The following IQSEC1 variants were observed in gnomAD, a reference collection of about 807,000 sequenced individuals.
IQSEC1 encodes IQ motif and SEC7 domain-containing protein 1.
In IQSEC1, 31 loss-of-function variants were observed where a neutral mutation model predicts 91.0. The ratio of observed to expected loss-of-function variants is 0.34; its 90% CI spans 0.26 to 0.46. IQSEC1 has a LOEUF of 0.46. IQSEC1 is among the 20% of genes least tolerant of loss of function. The pLI is 1.00. For missense variants in IQSEC1, 1,388 were observed against 1,575.6 expected (o/e 0.88, Z 2.02); for synonymous variants, 699 against 662.6 (o/e 1.05, Z -0.84).
chr3:13,258,561 C>G (rs950987836), intron 1 of IQSEC1, among the ~76,000 whole-genome samples: 3 of 151,922 alleles, frequency 2.0e-5, no homozygotes, highest in Admixed American at 2.0e-4. Flanking sequence ...TGGTATGTGC[C>G]TGTAGTCCCA....
At chr3:13,160,465 T>A (rs928452745) in intron 2 of IQSEC1, among the ~76,000 whole-genome samples, 5 of 152,200 alleles carry the variant, frequency 3.3e-5, no homozygotes, top group African/African-American at 1.2e-4. Flanking sequence ...CCTGCCCCTG[T>A]GTGTCCTTAA....
chr3:12,943,183 G>A (rs1285820197), intron 1 of IQSEC1, among the ~76,000 whole-genome samples: 1 of 152,194 alleles, frequency 6.6e-6, no homozygotes, highest in African/African-American at 2.4e-5. Context: ...CAGAGTTCAA[G>A]CCCAAGTGGT....
intron 1 of IQSEC1, among the ~76,000 whole-genome samples, chr3:12,945,776 T>G (rs941210513): frequency 6.6e-6 from 1 of 152,178 alleles, no homozygotes; most frequent in African/African-American, 2.4e-5. Context: ...TTTTCTGAGT[T>G]TATCTGAACT....
At chr3:13,173,843 C>A (rs761735649) in intron 1 of IQSEC1, among the ~76,000 whole-genome samples, 5 of 152,204 alleles carry the variant, frequency 3.3e-5, no homozygotes, top group African/African-American at 1.2e-4. Context: ...GTTAGAAATG[C>A]AAATTCTCTG....
At chr3:13,180,758 C>T (rs1417110982) in intron 1 of IQSEC1, among the ~76,000 whole-genome samples, 2 of 145,436 alleles carry the variant, frequency 1.4e-5, no homozygotes, top group Admixed American at 1.3e-4. Flanking sequence ...GACGTGCCGC[C>T]TTAAGAGCTG....
intron 2 of IQSEC1, among the ~76,000 whole-genome samples, chr3:13,079,066 T>C (rs1705606336): frequency 6.6e-6 from 1 of 152,230 alleles, no homozygotes; most frequent in African/African-American, 2.4e-5. Context: ...CACAAGGCCC[T>C]GGGTGTCCCA....
intron 1 of IQSEC1, among the ~76,000 whole-genome samples, chr3:13,010,348 A>G (rs1702826062): frequency 6.6e-6 from 1 of 152,204 alleles, no homozygotes; most frequent in Non-Finnish European, 1.5e-5. Context: ...GGGTGAATGC[A>G]GTACCGAGCT....
chr3:12,919,797 G>A (rs1235497118), intron 6 of IQSEC1, among the ~76,000 whole-genome samples: 1 of 152,186 alleles, frequency 6.6e-6, no homozygotes, highest in East Asian at 1.9e-4. Context: ...ACACTGGGCT[G>A]GCACAGAGCC....
intron 2 of IQSEC1, among the ~76,000 whole-genome samples, chr3:13,132,685 A>C (rs1706639454): frequency 6.6e-6 from 1 of 152,178 alleles, no homozygotes; most frequent in Non-Finnish European, 1.5e-5. Context: ...CCTACCTCTC[A>C]GGGATTCATT....
At chr3:13,149,696 C>T (rs1335996907) in intron 2 of IQSEC1, among the ~76,000 whole-genome samples, 2 of 151,958 alleles carry the variant, frequency 1.3e-5, no homozygotes, top group Non-Finnish European at 1.5e-5. Flanking sequence ...CTGACCCAGG[C>T]CCTGGCAGCT....
intron 1 of IQSEC1, among the ~76,000 whole-genome samples, chr3:13,194,110 G>A (rs980596825): frequency 1.3e-5 from 2 of 152,130 alleles, no homozygotes; most frequent in East Asian, 1.9e-4. Flanking sequence ...TTGGATTAGG[G>A]CCACCACCAC....
At chr3:13,252,730 T>TTTTTTTTG (rs60219953) in intron 1 of IQSEC1, among the ~76,000 whole-genome samples, 11,271 of 150,908 alleles carry the variant, frequency 0.075, 832 homozygotes, top group African/African-American at 0.2. Context: ...TTTTTTTTGT[T>TTTTTTTTG]TTTGTTTGTT....
chr3:12,931,748 C>A (rs1263173481), intron 3 of IQSEC1, among the ~76,000 whole-genome samples: 1 of 152,192 alleles, frequency 6.6e-6, no homozygotes. Context: ...GTAGCTCCAG[C>A]AGGTGGATGG....
rs767411852 is a variant in IQSEC1 at position 12,967,468 on chromosome 3, G to GCGGGC, written c.24-25608_24-25604dup. The GCGGGC allele has an allele frequency of 3.3e-5, 50 of 1,509,322 alleles. 1 individual carries two copies. The highest frequency in any genetic ancestry group is 1.6e-4 in the South Asian group (13 of 80,890). 93.5% of individuals were successfully genotyped at this position (1,509,322 alleles called of 1,614,324 possible). Reference sequence around the variant, plus strand: ...GCACCACATGGCGGCCGCAGTGGGAGCGGGCCGGGCCGGGAGCCGGGACCC... The same window carrying GCGGGC: ...GCACCACATGGCGGCCGCAGTGGGAGCGGGCCGGGCCGGGCCGGGAGCCGGGACCC... On this transcript the variant is annotated intron_variant, in intron 1 of 13. Transcript: ENST00000613206. This position sits in a 1 kb window ranked among gnomAD's most constrained non-coding sequence, Gnocchi z 5.9.
In IQSEC1 at chr3:12,898,959, CCAAT is replaced by C. The variant is rs1693928536; in HGVS notation, c.*2020_*2023del. On this transcript the variant is annotated 3_prime_UTR_variant, in exon 14 of 14. Coordinates refer to ENST00000613206, the MANE Select transcript of IQSEC1 (RefSeq NM_001134382.3). ...GCTTCCCTGACAGCCCAGCCTGGAC[CCAAT>C]CACACGGTCCCATGCTGTTTCTTTC... 1 of 169,706 alleles carries C rather than the reference CCAAT, an allele frequency of 5.9e-6. No individual in the cohort carries two copies. Among genetic ancestry groups the C allele is most frequent in the Admixed American group, 5.9e-5 (1 of 16,900 alleles). The allele number at this position is 169,706 out of a possible 1,614,324, so 10.5% of individuals were successfully genotyped here. A position where few individuals can be genotyped will look rare whatever the true frequency, so the allele number is the denominator to read the frequency against.
rs1474382809 is a variant in IQSEC1 at position 12,940,694 on chromosome 3, C to T, written c.318+877G>A. 6.6e-6 allele frequency among the ~76,000 whole-genome samples: 1 copy of T among 152,132 alleles called. No individual in the cohort carries two copies. The highest frequency in any genetic ancestry group is 6.5e-5 in the Admixed American group (1 of 15,282). Reference sequence around the variant, plus strand: ...CTTGCAGAACTGCTGCCTGGGAGCCCGGGTTCTCTTGAAGCCTCAAACTGC... The same window carrying T: ...CTTGCAGAACTGCTGCCTGGGAGCCTGGGTTCTCTTGAAGCCTCAAACTGC... On this transcript the variant is annotated intron_variant, in intron 2 of 13. Transcript: ENST00000613206. The surrounding 1 kb of genome is among the most constrained non-coding windows in gnomAD (Gnocchi z 4.4).
chr3:13,058,446 C>T (rs760688940), intron 1 of IQSEC1, among the ~76,000 whole-genome samples: 4 of 152,230 alleles, frequency 2.6e-5, no homozygotes, highest in Non-Finnish European at 4.4e-5. Context: ...TCCTTCCAAA[C>T]ATCCTTGGGG....
chr3:12,941,448 G>C (rs934777737), intron 2 of IQSEC1, 123 bp downstream of exon 2: 1 of 993,656 alleles, frequency 1.0e-6, no homozygotes, highest in African/African-American at 1.6e-5. Context: ...CTCAGCCTTA[G>C]CCCACATGCA....
intron 1 of IQSEC1, among the ~76,000 whole-genome samples, chr3:13,213,114 T>A (rs903952667): frequency 2.0e-5 from 3 of 152,256 alleles, no homozygotes; most frequent in African/African-American, 7.2e-5. Flanking sequence ...TGTCTAAGAA[T>A]CCTTTGCCAA....
Sources: allele counts gnomAD v4.1 joint callset (sites outside exome capture counted in the v4.1 genomes callset), GRCh38; gene constraint gnomAD v4.1.1; non-coding constraint Gnocchi (gnomAD v3.1); transcripts MANE v1.5; gene names NCBI Gene and HGNC (gene_info 2026-07-23, HGNC 2026-07-21).